Variants in ADAMTS19 observed in about 807,000 individuals in gnomAD.
The protein encoded by ADAMTS19 is ADAM metallopeptidase with thrombospondin type 1 motif 19.
A neutral mutation model predicts 153.3 loss-of-function variants in ADAMTS19; 93 were observed. The observed-to-expected ratio is 0.61, with a 90% CI of 0.51 to 0.72. The LOEUF is 0.72. Among genes scored for constraint, ADAMTS19 ranks in the 30% least tolerant of loss-of-function variants. The pLI is 0.00. For missense variants in ADAMTS19, 1,482 were observed against 1,552.1 expected (o/e 0.95, Z 0.76); for synonymous variants, 600 against 556.6 (o/e 1.08, Z -1.10).
At chr5:129,705,240 C>G (rs1402964071) in intron 21 of ADAMTS19, among the ~76,000 whole-genome samples, 1 of 152,086 alleles carries the variant, frequency 6.6e-6, no homozygotes, top group Admixed American at 6.5e-5. Flanking sequence ...CTCTCTCCTT[C>G]CCCTTTTATT....
intron 20 of ADAMTS19, among the ~76,000 whole-genome samples, chr5:129,702,965 T>TATATATATATATATATATATAC: frequency 7.9e-6 from 1 of 125,824 alleles, no homozygotes; most frequent in Admixed American, 8.1e-5. Context: ...TATATATATA[T>TATATATATATATATATATATAC]ATATATACAA....
chr5:129,596,051 TC>T (rs1750360056), intron 7 of ADAMTS19, among the ~76,000 whole-genome samples: 1 of 152,040 alleles, frequency 6.6e-6, no homozygotes, highest in Non-Finnish European at 1.5e-5. Context: ...GATAGATAGC[TC>T]TATGCCATAT....
chr5:129,471,981 AT>A (rs1750083626), intron 2 of ADAMTS19, among the ~76,000 whole-genome samples: 1 of 152,138 alleles, frequency 6.6e-6, no homozygotes, highest in Non-Finnish European at 1.5e-5. Context: ...GATTCCATGC[AT>A]TTGCTATTAT....
At chr5:129,560,280 TTTTCATGCTATAAC>T in intron 7 of ADAMTS19, among the ~76,000 whole-genome samples, 1 of 152,310 alleles carries the variant, frequency 6.6e-6, no homozygotes, top group African/African-American at 2.4e-5. Context: ...AGTAGACAAG[TTTTCATGCTATAAC>T]TTTTTTTTAG....
At chr5:129,492,758 T>G (rs923531118) in intron 2 of ADAMTS19, among the ~76,000 whole-genome samples, 1 of 152,160 alleles carries the variant, frequency 6.6e-6, no homozygotes, top group Non-Finnish European at 1.5e-5. Flanking sequence ...TTTCCCATTT[T>G]TAAAGAAACT....
chr5:129,608,780 G>A (rs1751050954), intron 8 of ADAMTS19, among the ~76,000 whole-genome samples: 1 of 150,712 alleles, frequency 6.6e-6, no homozygotes, highest in Non-Finnish European at 1.5e-5. Flanking sequence ...CTGGGAGGCA[G>A]AGGTTGCAGT....
intron 21 of ADAMTS19, among the ~76,000 whole-genome samples, chr5:129,734,434 T>C (rs1414936370): frequency 1.3e-5 from 2 of 151,994 alleles, no homozygotes; most frequent in Non-Finnish European, 2.9e-5. Context: ...CTAAGACATC[T>C]TGATATAATT....
chr5:129,700,622 G>A (rs768217719), intron 19 of ADAMTS19, among the ~76,000 whole-genome samples: 5 of 152,068 alleles, frequency 3.3e-5, no homozygotes, highest in Non-Finnish European at 5.9e-5. Context: ...TTCCCTTTCT[G>A]TAAATCTGGC....
chr5:129,513,202 T>C (rs1455243028), intron 3 of ADAMTS19, among the ~76,000 whole-genome samples: 2 of 141,434 alleles, frequency 1.4e-5, no homozygotes, highest in African/African-American at 5.2e-5. Flanking sequence ...AAGTAACAAC[T>C]AAAAAAAAAA....
chr5:129,513,973 T>C (rs780489532), intron 3 of ADAMTS19, among the ~76,000 whole-genome samples: 2 of 152,038 alleles, frequency 1.3e-5, no homozygotes, highest in Non-Finnish European at 2.9e-5. Flanking sequence ...ACCATCCTTC[T>C]ACTGTTTATA....
intron 16 of ADAMTS19, among the ~76,000 whole-genome samples, chr5:129,668,692 C>A (rs1008314984): frequency 4.6e-5 from 7 of 152,044 alleles, no homozygotes; most frequent in Non-Finnish European, 8.8e-5. Context: ...ATTGCAGTAG[C>A]ATTCATAGGT....
intron 2 of ADAMTS19, among the ~76,000 whole-genome samples, chr5:129,468,253 C>G (rs951925363): frequency 4.6e-5 from 7 of 152,130 alleles, no homozygotes; most frequent in African/African-American, 1.7e-4. Flanking sequence ...CAGTCTCAGA[C>G]CAGGAGAGTA....
Position 129,461,808 on chromosome 5 carries a change from T to G in ADAMTS19, c.747+51T>G, listed in dbSNP as rs771321045. 6.8e-7 allele frequency: 1 copy of G among 1,470,516 alleles called. No individual in the cohort carries two copies. The highest frequency in any genetic ancestry group is 8.9e-7 in the Non-Finnish European group (1 of 1,120,240). 91.1% of individuals were successfully genotyped at this position (1,470,516 alleles called of 1,614,324 possible). A position where few individuals can be genotyped will look rare whatever the true frequency, so the allele number is the denominator to read the frequency against. On this transcript the variant is annotated intron_variant, in intron 2 of 22. Coordinates refer to ENST00000274487, the MANE Select transcript of ADAMTS19 (RefSeq NM_133638.6). This position sits in a 1 kb window ranked among gnomAD's most constrained non-coding sequence, Gnocchi z 4.6. ...CCATTTTCCCCTGCTGCTCCTCTCC[T>G]TGCCCATAGGTCAGGATGATTTGCA...
intron 21 of ADAMTS19, among the ~76,000 whole-genome samples, chr5:129,717,845 A>C (rs1252553420): frequency 6.6e-6 from 1 of 152,218 alleles, no homozygotes; most frequent in African/African-American, 2.4e-5. Context: ...AAACAGAACA[A>C]AAAACACACA....
chr5:129,527,663 T>C, intron 4 of ADAMTS19, 85 bp from the exon 5 acceptor site: 1 of 514,240 alleles, frequency 1.9e-6, no homozygotes, highest in East Asian at 3.7e-5. Flanking sequence ...TCAACTAAAT[T>C]GAGACATCTC....
At chr5:129,703,372 A>G (rs1010783607) in intron 20 of ADAMTS19, among the ~76,000 whole-genome samples, 5 of 152,034 alleles carry the variant, frequency 3.3e-5, no homozygotes, top group African/African-American at 1.2e-4. Flanking sequence ...TTTTGAACCA[A>G]ATTGTATTTT....
intron 7 of ADAMTS19, among the ~76,000 whole-genome samples, chr5:129,575,250 T>A (rs1388573773): frequency 6.6e-6 from 1 of 152,050 alleles, no homozygotes; most frequent in African/African-American, 2.4e-5. Context: ...AAATGAATGC[T>A]GTCAGTGCTT....
intron 22 of ADAMTS19, 142 bp from the exon 23 acceptor site, chr5:129,736,925 C>G: frequency 1.5e-6 from 1 of 683,408 alleles, no homozygotes; most frequent in Non-Finnish European, 2.2e-6. Flanking sequence ...GTGTGTATCT[C>G]TTTCTTGTTT....
intron 18 of ADAMTS19, among the ~76,000 whole-genome samples, chr5:129,684,880 G>A (rs1038821231): frequency 3.9e-5 from 6 of 152,028 alleles, no homozygotes; most frequent in Admixed American, 3.9e-4. Flanking sequence ...CCAGCTAGTC[G>A]AGAGGCTGAG....
Sources: allele counts gnomAD v4.1 joint callset (sites outside exome capture counted in the v4.1 genomes callset), GRCh38; gene constraint gnomAD v4.1.1; non-coding constraint Gnocchi (gnomAD v3.1); transcripts MANE v1.5; gene names NCBI Gene and HGNC (gene_info 2026-07-23, HGNC 2026-07-21).